Variants in FIG4 observed in about 807,000 individuals in gnomAD.
FIG4 encodes FIG4 phosphoinositide 5-phosphatase, also known as polyphosphoinositide phosphatase.
A neutral mutation model predicts 118.6 loss-of-function variants in FIG4; 112 were observed. The observed-to-expected ratio is 0.94, with a 90% CI of 0.81 to 1.11. The LOEUF is 1.11. Among genes scored for constraint, FIG4 ranks in the 50% least tolerant of loss-of-function variants. The pLI, the probability that FIG4 is intolerant of heterozygous loss-of-function variation, is 0.00. For synonymous variants in FIG4, 369 were observed against 381.2 expected (o/e 0.97, Z 0.37); for missense variants, 969 against 1,111.7 (o/e 0.87, Z 1.83).
intron 3 of FIG4, among the ~76,000 whole-genome samples, chr6:109,726,788 A>G (rs1004543895): frequency 6.6e-6 from 1 of 152,158 alleles, no homozygotes; most frequent in Non-Finnish European, 1.5e-5. Flanking sequence ...TTCCTTGAGC[A>G]GTGGTTTGTA....
intron 22 of FIG4, among the ~76,000 whole-genome samples, chr6:109,805,257 C>G (rs958467310): frequency 6.6e-6 from 1 of 152,164 alleles, no homozygotes; most frequent in African/African-American, 2.4e-5. Flanking sequence ...GTCTGAAGCT[C>G]TTAATGAGAG....
chr6:109,720,621 C>A (rs1775578041), intron 3 of FIG4, among the ~76,000 whole-genome samples: 1 of 152,168 alleles, frequency 6.6e-6, no homozygotes, highest in Admixed American at 6.5e-5. Context: ...CTAGTCTATG[C>A]CCTGTGTGAG....
intron 15 of FIG4, among the ~76,000 whole-genome samples, chr6:109,768,890 G>A (rs1472251668): frequency 6.6e-6 from 1 of 152,076 alleles, no homozygotes; most frequent in Non-Finnish European, 1.5e-5. Context: ...CAGTTCGGGA[G>A]GCTAGGAGTC....
At position 109,825,133 on chromosome 6, in the gene FIG4, GC is replaced by G; in HGVS notation, c.2597del (p.Pro866GlnfsTer3). ...CGCAAGATAACATCTATGAAGTTCA[GC>G]CCCCAAGAGTAGACAGAAAATCTAC... Reference protein sequence around the residue: ...FSQDNIYEVQPPRVDRKSTEI... With the variant: ...FSQDNIYEVQXPRVDRKSTEI... On this transcript the variant is annotated frameshift_variant, in exon 23 of 23. Transcript: ENST00000230124. LOFTEE classifies it high-confidence loss of function. 6.2e-7 allele frequency: 1 copy of G among 1,613,922 alleles called. No homozygotes were observed. The highest frequency in any genetic ancestry group is 1.1e-5 in the South Asian group (1 of 91,070).
intron 7 of FIG4, 71 bp from the exon 8 acceptor site, chr6:109,741,373 T>TA: frequency 1.0e-6 from 1 of 967,522 alleles, no homozygotes. Context: ...AATGTTTATT[T>TA]AAGGAATAAT....
intron 4 of FIG4, among the ~76,000 whole-genome samples, chr6:109,728,093 A>G (rs1362103327): frequency 6.6e-6 from 1 of 152,186 alleles, no homozygotes; most frequent in Non-Finnish European, 1.5e-5. Context: ...GGAGTATAAT[A>G]ATGGTTTGCG....
At chr6:109,809,493 G>T (rs2128400265) in intron 22 of FIG4, among the ~76,000 whole-genome samples, 1 of 152,098 alleles carries the variant, frequency 6.6e-6, no homozygotes, top group East Asian at 1.9e-4. Flanking sequence ...AGCTAATTGG[G>T]GTCTTCAGTA....
intron 1 of FIG4, among the ~76,000 whole-genome samples, chr6:109,695,501 ACT>A (rs1377606929): frequency 6.6e-6 from 1 of 151,748 alleles, no homozygotes; most frequent in African/African-American, 2.4e-5. Context: ...GTGTTGGCTG[ACT>A]CTCTCAAAAC....
intron 22 of FIG4, among the ~76,000 whole-genome samples, chr6:109,816,587 T>A (rs1778868284): frequency 6.6e-6 from 1 of 152,202 alleles, no homozygotes; most frequent in Non-Finnish European, 1.5e-5. Flanking sequence ...GACAGGAAAT[T>A]GTATCCTGCA....
chr6:109,795,350 C>CA (rs1778256310), intron 21 of FIG4, among the ~76,000 whole-genome samples: 1 of 151,662 alleles, frequency 6.6e-6, no homozygotes, highest in Non-Finnish European at 1.5e-5. Flanking sequence ...GCATTCTTCC[C>CA]AAAAAATGGA....
chr6:109,713,535 T>C (rs1184526242), intron 1 of FIG4, among the ~76,000 whole-genome samples: 1 of 152,150 alleles, frequency 6.6e-6, no homozygotes, highest in Non-Finnish European at 1.5e-5. Flanking sequence ...AGGCTGGCTC[T>C]GTGCCCACCA....
intron 10 of FIG4, among the ~76,000 whole-genome samples, chr6:109,747,860 G>T (rs990405098): frequency 3.3e-5 from 5 of 151,990 alleles, no homozygotes; most frequent in South Asian, 2.1e-4. Flanking sequence ...ATCATAGCTC[G>T]CTGCAACCTT....
intron 14 of FIG4, among the ~76,000 whole-genome samples, chr6:109,765,805 T>C (rs919511183): frequency 6.6e-6 from 1 of 152,224 alleles, no homozygotes; most frequent in African/African-American, 2.4e-5. Flanking sequence ...GAAGTATTAT[T>C]TTTTTGAAAA....
At chr6:109,721,675 G>C (rs190525352) in intron 3 of FIG4, among the ~76,000 whole-genome samples, 1 of 152,280 alleles carries the variant, frequency 6.6e-6, no homozygotes, top group East Asian at 1.9e-4. Flanking sequence ...TGTTCATCAT[G>C]TTAGAAGGAT....
intron 21 of FIG4, among the ~76,000 whole-genome samples, chr6:109,795,967 C>T (rs4947021): frequency 0.24 from 36,628 of 152,084 alleles, 5,168 homozygotes; most frequent in East Asian, 0.32. Context: ...ACTACAAAAC[C>T]GTATCCTTGA....
At chr6:109,706,838 A>G (rs1203711015) in intron 1 of FIG4, among the ~76,000 whole-genome samples, 1 of 152,138 alleles carries the variant, frequency 6.6e-6, no homozygotes, top group Non-Finnish European at 1.5e-5. Context: ...TAAGTCCTCA[A>G]GAAGGGCTCC....
chr6:109,712,263 G>A (rs907126789), intron 1 of FIG4, among the ~76,000 whole-genome samples: 1 of 152,140 alleles, frequency 6.6e-6, no homozygotes, highest in African/African-American at 2.4e-5. Flanking sequence ...GTATCTGACT[G>A]GGGTTCTCTG....
intron 22 of FIG4, among the ~76,000 whole-genome samples, chr6:109,811,011 A>T (rs1018328500): frequency 6.6e-6 from 1 of 152,174 alleles, no homozygotes; most frequent in African/African-American, 2.4e-5. Context: ...GATGCTTAGA[A>T]AGGTTTTATT....
At chr6:109,726,166 C>A (rs910938364) in intron 3 of FIG4, among the ~76,000 whole-genome samples, 2 of 152,120 alleles carry the variant, frequency 1.3e-5, no homozygotes, top group Admixed American at 6.5e-5. Context: ...AGACATGAAG[C>A]CTTTGTCCAT....
Sources: gnomAD v4.1 joint callset for allele counts (sites outside exome capture counted in the v4.1 genomes callset) on GRCh38, gnomAD v4.1.1 for gene constraint, MANE v1.5 for transcripts, NCBI Gene and HGNC (gene_info 2026-07-23, HGNC 2026-07-21) for gene names.